The following KDM2B variants were observed in gnomAD, a reference collection of about 807,000 sequenced individuals.
KDM2B encodes the protein lysine demethylase 2B.
KDM2B carries 26 observed loss-of-function variants against 150.0 expected under a neutral mutation model. The ratio of observed to expected loss-of-function variants is 0.17; its 90% confidence interval spans 0.13 to 0.24. The LOEUF (loss-of-function observed/expected upper bound fraction) is 0.24. Ranked by LOEUF, KDM2B falls within the 10% of genes least tolerant of loss-of-function variation. The probability of loss-of-function intolerance (pLI) is 1.00; values close to 1 mark genes in which losing one functional copy is unlikely to be tolerated. For synonymous variants in KDM2B, 734 were observed against 729.5 expected (o/e 1.01, Z -0.10); for missense variants, 1,265 against 1,816.9 (o/e 0.70, Z 5.52).
chr12:121,547,692 C>T (rs1889174777), intron 6 of KDM2B, among the ~76,000 whole-genome samples: 1 of 146,622 alleles, frequency 6.8e-6, no homozygotes. Context: ...CTCTGTCGCC[C>T]AGGCTGGAGT....
chr12:121,479,025 G>A (rs115478949), intron 12 of KDM2B, among the ~76,000 whole-genome samples: 2,603 of 152,086 alleles, frequency 0.017, 64 homozygotes, highest in African/African-American at 0.06. Flanking sequence ...CTCAGGCTGT[G>A]ATCTTGAAGC....
intron 8 of KDM2B, among the ~76,000 whole-genome samples, chr12:121,523,005 T>C (rs557992816): frequency 9.2e-5 from 14 of 152,352 alleles, no homozygotes; most frequent in Middle Eastern, 6.8e-3. Flanking sequence ...ACAGTGGCCA[T>C]ACTGCAAGTG....
intron 13 of KDM2B, among the ~76,000 whole-genome samples, chr12:121,449,433 C>A (rs1038073118): frequency 6.6e-6 from 1 of 152,110 alleles, no homozygotes; most frequent in Non-Finnish European, 1.5e-5. Context: ...GCCAAGCCTG[C>A]ATCTGCCATC....
At chr12:121,484,326 G>A (rs1882506883) in intron 12 of KDM2B, among the ~76,000 whole-genome samples, 1 of 152,170 alleles carries the variant, frequency 6.6e-6, no homozygotes, top group Non-Finnish European at 1.5e-5. Flanking sequence ...TTCTACATGG[G>A]AGAAATGGGG....
rs782315219 is a variant in KDM2B at position 121,430,092 on chromosome 12, GA to G, written c.*195del. The G allele has an allele frequency of 5.7e-6, 9 of 1,592,498 alleles. No homozygotes were observed. The African/African-American group carries it at 1.1e-4, about 19-fold the overall frequency. On this transcript the variant is annotated 3_prime_UTR_variant, in exon 23 of 23. Transcript: ENST00000377071. The surrounding 1 kb of genome is among the most constrained non-coding windows in gnomAD (Gnocchi z 4.4). ...CAGAAAGCAGTGCAGTTACGATTCAGAAAGACCAAAGGAAAGTGTCGGCTCA... is the reference window on the plus strand; with the variant it reads ...CAGAAAGCAGTGCAGTTACGATTCAGAAGACCAAAGGAAAGTGTCGGCTCA...
chr12:121,519,861 C>T (rs1172213056), intron 9 of KDM2B, among the ~76,000 whole-genome samples: 3 of 151,974 alleles, frequency 2.0e-5, no homozygotes, highest in Middle Eastern at 6.3e-3. Flanking sequence ...AGAAATGGGA[C>T]TTTTTTACCC....
At chr12:121,553,231 A>T (rs1158532888) in intron 4 of KDM2B, among the ~76,000 whole-genome samples, 1 of 144,664 alleles carries the variant, frequency 6.9e-6, no homozygotes, top group Non-Finnish European at 1.5e-5. Context: ...ACTCTGTCTC[A>T]AAAAAAAAAA....
rs879979133 is a variant in KDM2B, at chr12:121,575,965, G to T, written c.272-106C>A. 2 of 801,968 alleles carry T rather than the reference G, an allele frequency of 2.5e-6. No homozygotes were observed. Among genetic ancestry groups the T allele is most frequent in the Non-Finnish European group, 4.4e-6 (2 of 458,622 alleles). 49.7% of individuals were successfully genotyped at this position (801,968 alleles called of 1,614,324 possible). ...AAACTGATGGACGAAGGGGCAGGGG[G>T]TCCAGGAGATGCAGGCACCAGCTGT... On this transcript the variant is annotated intron_variant, in intron 2 of 22. Transcript: ENST00000377071. The surrounding 1 kb of genome is among the most constrained non-coding windows in gnomAD (Gnocchi z 4.4).
chr12:121,524,111 C>G (rs568055853), intron 8 of KDM2B, among the ~76,000 whole-genome samples: 1 of 152,300 alleles, frequency 6.6e-6, no homozygotes, highest in Admixed American at 6.5e-5. Context: ...ATGTGATGCA[C>G]AGGCAGGTGC....
intron 11 of KDM2B, among the ~76,000 whole-genome samples, chr12:121,500,059 C>G (rs977905180): frequency 6.6e-6 from 1 of 152,096 alleles, no homozygotes; most frequent in Non-Finnish European, 1.5e-5. Context: ...GTGTGGCCCC[C>G]CTGCGGCCAC....
At chr12:121,473,510 G>C (rs947430693) in intron 12 of KDM2B, among the ~76,000 whole-genome samples, 2 of 151,986 alleles carry the variant, frequency 1.3e-5, no homozygotes, top group Non-Finnish European at 2.9e-5. Flanking sequence ...CCTGAGCTCA[G>C]GAGTTTGAGA....
chr12:121,465,882 T>A (rs1879826123), intron 12 of KDM2B, among the ~76,000 whole-genome samples: 1 of 152,150 alleles, frequency 6.6e-6, no homozygotes, highest in South Asian at 2.1e-4. Context: ...AACAAGACTT[T>A]GAGAGCCATT....
chr12:121,434,500 CA>C (rs1166374523), intron 22 of KDM2B, among the ~76,000 whole-genome samples: 8,550 of 62,282 alleles, frequency 0.14, 599 homozygotes, highest in African/African-American at 0.32. Flanking sequence ...GACTCTCTAT[CA>C]AAAAAAAAAA....
In KDM2B at chr12:121,453,453, G is replaced by C. The variant is rs1294448274; in HGVS notation, c.1735-109C>G. On this transcript the variant is annotated intron_variant, in intron 12 of 22. Coordinates refer to ENST00000377071, the MANE Select transcript of KDM2B (RefSeq NM_032590.5). This position sits in a 1 kb window ranked among gnomAD's most constrained non-coding sequence, Gnocchi z 6.4. ...GTGTACCCCCAGAAAGACACGATGG[G>C]GGCTCTAAACCCCATTCCTCAGAGT... 3.8e-6 allele frequency: 3 copies of C among 787,936 alleles called. No individual in the cohort carries two copies. Among genetic ancestry groups the C allele is most frequent in the Non-Finnish European group, 6.0e-6 (3 of 500,582 alleles). 48.8% of individuals were successfully genotyped at this position (787,936 alleles called of 1,614,324 possible).
At chr12:121,491,666 C>T (rs1241516941) in intron 12 of KDM2B, among the ~76,000 whole-genome samples, 1 of 151,640 alleles carries the variant, frequency 6.6e-6, no homozygotes, top group Non-Finnish European at 1.5e-5. Flanking sequence ...TGGTGGTACG[C>T]GCCTGTAATC....
At chr12:121,432,544 T>C (rs577826277) in intron 22 of KDM2B, among the ~76,000 whole-genome samples, 1 of 152,312 alleles carries the variant, frequency 6.6e-6, no homozygotes, top group East Asian at 1.9e-4. Context: ...CCAGGATGGT[T>C]TTCTTAGAGG....
At chr12:121,564,363 C>A (rs1380604690) in intron 4 of KDM2B, among the ~76,000 whole-genome samples, 1 of 152,026 alleles carries the variant, frequency 6.6e-6, no homozygotes, top group Non-Finnish European at 1.5e-5. Context: ...GAGGCTGAGG[C>A]AGGAAAATGG....
intron 12 of KDM2B, among the ~76,000 whole-genome samples, chr12:121,462,702 C>G (rs1879275215): frequency 6.6e-6 from 1 of 152,020 alleles, no homozygotes; most frequent in Admixed American, 6.5e-5. Context: ...CCATGTTGGC[C>G]AGGCTGGTCT....
chr12:121,580,426 C>T, intron 1 of KDM2B: 16 of 1,158,840 alleles, frequency 1.4e-5, no homozygotes, highest in Non-Finnish European at 1.7e-5. Flanking sequence ...CACCGGGCGC[C>T]GTTAGCGCCG....
Sources: allele counts gnomAD v4.1 joint callset (sites outside exome capture counted in the v4.1 genomes callset), GRCh38; gene constraint gnomAD v4.1.1; non-coding constraint Gnocchi (gnomAD v3.1); transcripts MANE v1.5; gene names NCBI Gene and HGNC (gene_info 2026-07-23, HGNC 2026-07-21).